MBD5: variants seen among roughly 807,000 people sequenced by gnomAD.
MBD5 encodes the protein methyl-CpG binding domain protein 5, also known as methyl-CpG-binding domain protein 5.
In MBD5, 13 loss-of-function variants were observed where a neutral mutation model predicts 117.3. The observed-to-expected ratio is 0.11, with a 90% CI of 0.07 to 0.18. MBD5 has a LOEUF of 0.18. MBD5 is among the 10% of genes least tolerant of loss of function. The pLI is 1.00. For synonymous variants in MBD5, 727 were observed against 766.4 expected, an observed-to-expected ratio of 0.95 and a Z score of 0.85; for missense variants, 1,879 against 2,093.8, an observed-to-expected ratio of 0.90 and a Z score of 2.00.
chr2:148,380,647 A>C (rs988307203), intron 4 of MBD5, among the ~76,000 whole-genome samples: 5 of 152,148 alleles, frequency 3.3e-5, no homozygotes, highest in African/African-American at 1.2e-4. Context: ...ACGCAGCTTG[A>C]GATCTGAGAA....
At chr2:148,073,459 C>A (rs1487289914) in intron 1 of MBD5, among the ~76,000 whole-genome samples, 1 of 152,106 alleles carries the variant, frequency 6.6e-6, no homozygotes, top group Non-Finnish European at 1.5e-5. Context: ...ACTCTTCCTT[C>A]CTTGCTCTTA....
At chr2:148,337,901 T>G (rs1203241824) in intron 3 of MBD5, among the ~76,000 whole-genome samples, 1 of 152,196 alleles carries the variant, frequency 6.6e-6, no homozygotes, top group African/African-American at 2.4e-5. Context: ...AATTTTTCCC[T>G]TCAATTAGAA....
At chr2:148,067,280 G>A (rs1695227724) in intron 1 of MBD5, among the ~76,000 whole-genome samples, 1 of 152,108 alleles carries the variant, frequency 6.6e-6, no homozygotes, top group African/African-American at 2.4e-5. Context: ...CTACATCAAA[G>A]AACCATTTTG....
chr2:148,365,349 G>T (rs960106577), intron 4 of MBD5, among the ~76,000 whole-genome samples: 10 of 152,028 alleles, frequency 6.6e-5, no homozygotes, highest in Non-Finnish European at 1.3e-4. Context: ...AGTCTTAGAG[G>T]GACATTTATA....
chr2:148,435,952 C>T (rs1331001877), intron 4 of MBD5, among the ~76,000 whole-genome samples: 1 of 152,202 alleles, frequency 6.6e-6, no homozygotes. Context: ...AGAGTGTCCT[C>T]TGTAGTTCAA....
At position 148,233,396 on chromosome 2, in the gene MBD5, G is replaced by T. The variant is rs1229165970; in HGVS notation, c.-680+1G>T. ...AGAGGATGTCAACAATTTTTTGGAG[G>T]CAAGCAATGAAATATTTCTACTATG... is the stretch of plus-strand genomic sequence containing the variant. On this transcript the variant is annotated splice_donor_variant, in intron 3 of 13. Coordinates refer to ENST00000642680, the MANE Select transcript of MBD5 (RefSeq NM_001378120.1). LOFTEE classifies it low-confidence loss of function (5UTR_SPLICE). 6.6e-6 allele frequency: 1 copy of T among 152,142 alleles called. No individual in the cohort carries two copies. Among genetic ancestry groups the T allele is most frequent in the Non-Finnish European group, 1.5e-5 (1 of 68,018 alleles). The allele number at this position is 152,142 out of a possible 1,614,324, so 9.4% of individuals were successfully genotyped here. A position where few individuals can be genotyped will look rare whatever the true frequency, so the allele number is the denominator to read the frequency against.
At chr2:148,429,895 G>C (rs1444691576) in intron 4 of MBD5, among the ~76,000 whole-genome samples, 1 of 151,522 alleles carries the variant, frequency 6.6e-6, no homozygotes, top group Non-Finnish European at 1.5e-5. Flanking sequence ...ACCTAATGGA[G>C]ATGATGGGTT....
chr2:148,386,670 G>C (rs988973089), intron 4 of MBD5, among the ~76,000 whole-genome samples: 2 of 135,078 alleles, frequency 1.5e-5, no homozygotes, highest in Admixed American at 8.5e-5. Context: ...AGTGAGCCGA[G>C]ATCCCGCCAC....
intron 1 of MBD5, among the ~76,000 whole-genome samples, chr2:148,064,064 CT>C (rs1695111965): frequency 6.6e-6 from 1 of 151,342 alleles, no homozygotes; most frequent in African/African-American, 2.4e-5. Context: ...TCTTTATGCT[CT>C]TGCTCTTTCA....
intron 4 of MBD5, among the ~76,000 whole-genome samples, chr2:148,353,302 G>C (rs190598139): frequency 6.6e-6 from 1 of 152,124 alleles, no homozygotes; most frequent in Non-Finnish European, 1.5e-5. Flanking sequence ...GTGAGCAGAT[G>C]TGTGTGTTTA....
At chr2:148,320,170 A>G (rs568202809) in intron 3 of MBD5, among the ~76,000 whole-genome samples, 3 of 152,114 alleles carry the variant, frequency 2.0e-5, no homozygotes, top group Non-Finnish European at 4.4e-5. Flanking sequence ...AGATTTTTGC[A>G]TGTATCTTCA....
At chr2:148,234,543 T>C (rs1700052393) in intron 3 of MBD5, among the ~76,000 whole-genome samples, 1 of 152,204 alleles carries the variant, frequency 6.6e-6, no homozygotes, top group Non-Finnish European at 1.5e-5. Flanking sequence ...AAAGCAGCTG[T>C]GTTGCCTTTG....
intron 1 of MBD5, among the ~76,000 whole-genome samples, chr2:148,115,225 T>G (rs917330325): frequency 6.6e-6 from 1 of 152,184 alleles, no homozygotes; most frequent in Admixed American, 6.6e-5. Context: ...GTGTATTGAT[T>G]ATCATATACA....
At chr2:148,116,279 T>C (rs1175512084) in intron 1 of MBD5, among the ~76,000 whole-genome samples, 2 of 151,956 alleles carry the variant, frequency 1.3e-5, no homozygotes, top group Non-Finnish European at 2.9e-5. Flanking sequence ...GAGAAGTCAC[T>C]ACTGGTATTC....
At chr2:148,438,671 T>G (rs1022978793) in intron 4 of MBD5, among the ~76,000 whole-genome samples, 3 of 152,094 alleles carry the variant, frequency 2.0e-5, no homozygotes, top group African/African-American at 7.2e-5. Flanking sequence ...TTATGATGGG[T>G]GAAAAGTCTC....
chr2:148,118,847 A>C (rs1209137589), intron 1 of MBD5, among the ~76,000 whole-genome samples: 1 of 152,160 alleles, frequency 6.6e-6, no homozygotes, highest in Non-Finnish European at 1.5e-5. Flanking sequence ...TCCATGTTGT[A>C]GTATATCTCC....
At chr2:148,292,850 G>T (rs1701529955) in intron 3 of MBD5, among the ~76,000 whole-genome samples, 2 of 149,122 alleles carry the variant, frequency 1.3e-5, no homozygotes, top group Non-Finnish European at 3.0e-5. Context: ...AATGGATAAA[G>T]AAAATGTGGT....
intron 4 of MBD5, among the ~76,000 whole-genome samples, chr2:148,454,541 G>A (rs886647065): frequency 6.6e-6 from 1 of 151,926 alleles, no homozygotes; most frequent in African/African-American, 2.4e-5. Flanking sequence ...GTAAAATATT[G>A]TTTATGTATA....
At chr2:148,257,180 A>G (rs1700611071) in intron 3 of MBD5, among the ~76,000 whole-genome samples, 1 of 152,132 alleles carries the variant, frequency 6.6e-6, no homozygotes, top group African/African-American at 2.4e-5. Flanking sequence ...CCCAAACAAA[A>G]CCATCTGTGT....
Sources: gnomAD v4.1 joint callset for allele counts (sites outside exome capture counted in the v4.1 genomes callset) on GRCh38, gnomAD v4.1.1 for gene constraint, MANE v1.5 for transcripts, NCBI Gene and HGNC (gene_info 2026-07-23, HGNC 2026-07-21) for gene names.